The following ABCC6 variants were observed in gnomAD, a reference collection of about 807,000 sequenced individuals.
The protein encoded by ABCC6 is ATP binding cassette subfamily C member 6.
In ABCC6, 126 loss-of-function variants were observed where a neutral mutation model predicts 169.5. The ratio of observed to expected loss-of-function variants is 0.74; its 90% CI spans 0.64 to 0.86. The LOEUF is 0.86. Among genes scored for constraint, ABCC6 ranks in the 40% least tolerant of loss-of-function variants. The probability of loss-of-function intolerance (pLI) is 0.00; values close to 1 mark genes in which losing one functional copy is unlikely to be tolerated. For synonymous variants in ABCC6, 752 were observed against 814.7 expected, an observed-to-expected ratio of 0.92 and a Z score of 1.31; for missense variants, 1,733 against 1,927.2, an observed-to-expected ratio of 0.90 and a Z score of 1.89.
rs745345434 is a variant in ABCC6, at chr16:16,190,385, AAG to A, written c.1432-20_1432-19del. 1.2e-6 allele frequency: 2 copies of A among 1,613,588 alleles called. No individual in the cohort carries two copies. Among genetic ancestry groups the A allele is most frequent in the Admixed American group, 3.3e-5 (2 of 59,998 alleles). On this transcript the variant is annotated intron_variant, in intron 11 of 30. Transcript: ENST00000205557. ...TGCTCCTCCTGGGATCGGAGGGAAA[AAG>A]AGAGATGAAGACAGGGACAGTTGAG... is the stretch of plus-strand genomic sequence containing the variant.
rs974940281 is a variant in ABCC6 at position 16,220,010 on chromosome 16, C to T, written c.220-63G>A. 2,346 of 1,527,390 alleles carry T rather than the reference C, an allele frequency of 1.5e-3. 15 individuals carry two copies. In the African/African-American group the frequency reaches 0.027, roughly 18 times the overall value. 94.6% of individuals were successfully genotyped at this position (1,527,390 alleles called of 1,614,324 possible). A position where few individuals can be genotyped will look rare whatever the true frequency, so the allele number is the denominator to read the frequency against. ...AGAGAGGTCACAGCAAACTGGTAGGCGGCCCCATGTCCAACTGGGAGCTGG... is the reference window on the plus strand; with the variant it reads ...AGAGAGGTCACAGCAAACTGGTAGGTGGCCCCATGTCCAACTGGGAGCTGG... On this transcript the variant is annotated intron_variant, in intron 2 of 30. Coordinates refer to ENST00000205557, the MANE Select transcript of ABCC6 (RefSeq NM_001171.6).
At chr16:16,215,636 G>A (rs1223871125) in intron 4 of ABCC6, among the ~76,000 whole-genome samples, 1 of 151,482 alleles carries the variant, frequency 6.6e-6, no homozygotes, top group African/African-American at 2.4e-5. Flanking sequence ...ACGACCCCTG[G>A]CTAATTTTTG....
At chr16:16,179,101 GC>G in intron 17 of ABCC6, 136 bp from the exon 18 acceptor site, 1 of 1,013,198 alleles carries the variant, frequency 9.9e-7, no homozygotes, top group Non-Finnish European at 1.5e-6. Context: ...CTGGGGACAG[GC>G]CCAGCTTCCA....
chr16:16,174,584 C>T (rs1322684255), intron 20 of ABCC6, among the ~76,000 whole-genome samples: 2 of 151,950 alleles, frequency 1.3e-5, no homozygotes, highest in African/African-American at 2.4e-5. Flanking sequence ...TGGCAAAACC[C>T]TGTCTCTACT....
At chr16:16,221,904 G>A in intron 1 of ABCC6, 73 bp from the exon 2 acceptor site, 1 of 1,611,214 alleles carries the variant, frequency 6.2e-7, no homozygotes, top group Non-Finnish European at 8.5e-7. Context: ...CAGGGGGCCA[G>A]GCAACTTTTT....
chr16:16,195,962 C>T (rs1409657919), intron 10 of ABCC6, among the ~76,000 whole-genome samples: 1 of 152,132 alleles, frequency 6.6e-6, no homozygotes, highest in Non-Finnish European at 1.5e-5. Context: ...GTAATCCCAG[C>T]ACTTTGGGAG....
chr16:16,160,400 G>T (rs1452542935), intron 25 of ABCC6, among the ~76,000 whole-genome samples: 1 of 152,032 alleles, frequency 6.6e-6, no homozygotes, highest in Non-Finnish European at 1.5e-5. Context: ...CTTTTTGGAA[G>T]TCTAAGCAGG....
At chr16:16,200,026 C>G (rs1293301062) in intron 9 of ABCC6, among the ~76,000 whole-genome samples, 2 of 151,676 alleles carry the variant, frequency 1.3e-5, no homozygotes, top group East Asian at 1.9e-4. Flanking sequence ...CAAGATTGCA[C>G]CGCTGCACTA....
rs61553825 is a variant in ABCC6 at position 16,150,667 on chromosome 16, C to T, written c.4314G>A (p.Leu1438=). 5.6e-6 allele frequency: 9 copies of T among 1,613,620 alleles called. No individual in the cohort carries two copies. The East Asian group carries it at 8.9e-5, about 16-fold the overall frequency. Residue 1438 remains leucine (L), a synonymous_variant, in exon 30 of 31, where the codon CTG becomes CTA. Coordinates refer to ENST00000205557, the MANE Select transcript of ABCC6 (RefSeq NM_001171.6). ...AGCTCCCGAGCATGGCCTGCATCTGCAGCTCCGTGCCAGGGTCCACGGCAG... is the reference window on the plus strand; with the variant it reads ...AGCTCCCGAGCATGGCCTGCATCTGTAGCTCCGTGCCAGGGTCCACGGCAG... ...ATAAVDPGTE[L]QMQAMLGSWF... is the part of the protein sequence containing the mutation.
intron 21 of ABCC6, among the ~76,000 whole-genome samples, chr16:16,172,178 G>A (rs1303893230): frequency 4.4e-5 from 6 of 136,184 alleles, no homozygotes; most frequent in East Asian, 2.6e-4. Flanking sequence ...GGGTGGGTGG[G>A]ATGGATAAAT....
In ABCC6 at chr16:16,214,335, G is replaced by T. The variant is rs1158180572; in HGVS notation, c.589C>A (p.Pro197Thr). The T allele has an allele frequency of 1.9e-6, 3 of 1,550,606 alleles. No individual in the cohort carries two copies. Among genetic ancestry groups the T allele is most frequent in the Middle Eastern group, 1.7e-4 (1 of 6,006 alleles). Residue 197 changes from proline to threonine, a missense_variant, in exon 5 of 31, where the codon CCC (proline) becomes ACC (threonine). Physicochemically the swap from Pro to Thr is conservative, Grantham distance 38. This residue lies in a region of ABCC6 where 49 missense variants were observed against 85.8 expected (regional missense o/e 0.57). Coordinates refer to ENST00000205557, the MANE Select transcript of ABCC6 (RefSeq NM_001171.6). ...ADQPPFFPED[P>T]QQSNPCPETG... is the part of the protein sequence containing the mutation. ...ACTTGGTGACTTACAGACTGCTGGGGGTCTTCAGGGAAGAAGGGGGGTTGA... is the reference window on the plus strand; with the variant it reads ...ACTTGGTGACTTACAGACTGCTGGGTGTCTTCAGGGAAGAAGGGGGGTTGA...
At chr16:16,185,069 C>T in intron 14 of ABCC6, 35 bp from the exon 15 acceptor site, 2 of 1,597,230 alleles carry the variant, frequency 1.3e-6, no homozygotes, top group Non-Finnish European at 1.7e-6. Flanking sequence ...CAGGAGACCC[C>T]TGACCTGGCC....
intron 10 of ABCC6, among the ~76,000 whole-genome samples, chr16:16,195,831 C>T (rs2048019312): frequency 6.6e-6 from 1 of 152,092 alleles, no homozygotes; most frequent in Non-Finnish European, 1.5e-5. Flanking sequence ...AAGTCCTGGC[C>T]CCTAGCCTTA....
At chr16:16,222,364 G>A (rs879942428) in intron 1 of ABCC6, among the ~76,000 whole-genome samples, 6 of 151,854 alleles carry the variant, frequency 4.0e-5, no homozygotes, top group Non-Finnish European at 8.8e-5. Context: ...TGTATGATTT[G>A]TTTTTATTTT....
chr16:16,185,558 A>T (rs911290612), intron 14 of ABCC6, among the ~76,000 whole-genome samples: 3 of 152,254 alleles, frequency 2.0e-5, no homozygotes, highest in Admixed American at 6.5e-5. Context: ...CAGAGGTGGT[A>T]GGATCACTTG....
intron 26 of ABCC6, 82 bp from the exon 27 acceptor site, chr16:16,157,891 T>G: frequency 6.8e-7 from 1 of 1,473,702 alleles, no homozygotes; most frequent in Non-Finnish European, 9.1e-7. Flanking sequence ...CAGCTTCAGT[T>G]TTCTCTTCCG....
chr16:16,173,189 G>T, intron 21 of ABCC6, 95 bp downstream of exon 21: 1 of 1,556,984 alleles, frequency 6.4e-7, no homozygotes, highest in Non-Finnish European at 8.8e-7. Flanking sequence ...CAAGAAAGGT[G>T]AGTATCACTG....
chr16:16,183,894 C>T (rs1423940466), intron 15 of ABCC6, among the ~76,000 whole-genome samples: 1 of 152,054 alleles, frequency 6.6e-6, no homozygotes, highest in Non-Finnish European at 1.5e-5. Context: ...ATGCCATTCC[C>T]ACCGCCTAGA....
intron 16 of ABCC6, 96 bp downstream of exon 16, chr16:16,182,708 G>T: frequency 6.3e-7 from 1 of 1,590,232 alleles, no homozygotes; most frequent in Non-Finnish European, 8.6e-7. Context: ...ATGAGTGAAA[G>T]TGAACTTGGC....
Sources: allele counts gnomAD v4.1 joint callset (sites outside exome capture counted in the v4.1 genomes callset), GRCh38; gene constraint gnomAD v4.1.1; regional missense constraint gnomAD v4.1.1; transcripts MANE v1.5; gene names NCBI Gene and HGNC (gene_info 2026-07-23, HGNC 2026-07-21).